Variants in MANBAL observed in about 807,000 individuals in gnomAD.
MANBAL encodes protein MANBAL.
Under a neutral mutation model 6.4 loss-of-function variants are expected in MANBAL, and 1 was observed. The observed-to-expected ratio is 0.16, with a 90% CI of 0.06 to 0.74. MANBAL has a LOEUF of 0.74. Among genes scored for constraint, MANBAL ranks in the 30% least tolerant of loss-of-function variants. The pLI is 0.78. For missense variants in MANBAL, 100 were observed against 107.8 expected, an observed-to-expected ratio of 0.93 and a Z score of 0.32; for synonymous variants, 47 against 45.8, an observed-to-expected ratio of 1.03 and a Z score of -0.10.
intron 2 of MANBAL, among the ~76,000 whole-genome samples, chr20:37,306,762 T>A (rs1488418766): frequency 6.6e-6 from 1 of 152,222 alleles, no homozygotes; most frequent in Non-Finnish European, 1.5e-5. Flanking sequence ...TGGGGGCTGC[T>A]GCTTTGCTCT....
chr20:37,315,337 G>T (rs2146837349), intron 2 of MANBAL, among the ~76,000 whole-genome samples: 1 of 152,334 alleles, frequency 6.6e-6, no homozygotes, highest in East Asian at 1.9e-4. Flanking sequence ...CGGCCTCTCT[G>T]ACGTCCGTCC....
chr20:37,313,938 T>C (rs1322078253), intron 2 of MANBAL, among the ~76,000 whole-genome samples: 2 of 152,242 alleles, frequency 1.3e-5, no homozygotes, highest in East Asian at 1.9e-4. Context: ...GTGTGAGGGA[T>C]GAAGAGGAGC....
intron 1 of MANBAL, among the ~76,000 whole-genome samples, chr20:37,293,994 C>T (rs1471109711): frequency 6.6e-6 from 1 of 152,170 alleles, no homozygotes; most frequent in East Asian, 1.9e-4. Context: ...ACTATGTTGC[C>T]CAAGCTGGTC....
rs557633638 is a variant in MANBAL at position 37,316,864 on chromosome 20, T to C, written c.*449T>C. The C allele has an allele frequency of 4.4e-5, 7 of 159,166 alleles. No individual in the cohort carries two copies. Among genetic ancestry groups the C allele is most frequent in the Non-Finnish European group, 9.6e-5 (7 of 73,012 alleles). 9.9% of individuals were successfully genotyped at this position (159,166 alleles called of 1,614,324 possible). On this transcript the variant is annotated 3_prime_UTR_variant, in exon 3 of 3. Transcript: ENST00000373606. ...ATCAGTCACCTTTGTTGCTGCTGTG[T>C]AGACAGAGCCAGGCCTCACCTGTTT...
chr20:37,308,244 A>T (rs2069302113), intron 2 of MANBAL, among the ~76,000 whole-genome samples: 1 of 152,072 alleles, frequency 6.6e-6, no homozygotes, highest in South Asian at 2.1e-4. Context: ...CTGAGTGAGG[A>T]TGGGAAGGTC....
rs564424872 is a variant in MANBAL at position 37,316,300 on chromosome 20, C to T, written c.151-8C>T. On this transcript the variant is annotated splice_polypyrimidine_tract_variant and splice_region_variant and intron_variant, in intron 2 of 2. Coordinates refer to ENST00000373606, the MANE Select transcript of MANBAL (RefSeq NM_001003897.2). The stretch of plus-strand genomic sequence containing the variant: ...CTAAGCAGGACTCTCCTTTTTATCA[C>T]CTCACAGGAGGCTGAACCGTCTGAG... 1.5e-4 allele frequency: 248 copies of T among 1,612,660 alleles called. No homozygotes were observed. The highest frequency in any genetic ancestry group is 1.9e-4 in the Non-Finnish European group (224 of 1,179,320).
intron 1 of MANBAL, among the ~76,000 whole-genome samples, chr20:37,290,749 A>G (rs2068848179): frequency 6.6e-6 from 1 of 152,040 alleles, no homozygotes; most frequent in Admixed American, 6.5e-5. Context: ...GGGAGCCACC[A>G]CACCCGGCTT....
chr20:37,290,023 C>G (rs920210960), intron 1 of MANBAL, among the ~76,000 whole-genome samples: 2 of 152,172 alleles, frequency 1.3e-5, no homozygotes, highest in Admixed American at 1.3e-4. Flanking sequence ...GTGAATCTGG[C>G]CAGGGTTCGA....
At chr20:37,315,419 T>C (rs1020511319) in intron 2 of MANBAL, among the ~76,000 whole-genome samples, 1 of 152,276 alleles carries the variant, frequency 6.6e-6, no homozygotes, top group Middle Eastern at 3.4e-3. Flanking sequence ...ACACTGAGCC[T>C]ATTCCAGATA....
chr20:37,300,931 TCAGGAGTTCAAGACCAGCGTGGC>T, intron 1 of MANBAL, among the ~76,000 whole-genome samples: 1 of 151,910 alleles, frequency 6.6e-6, no homozygotes, highest in Non-Finnish European at 1.5e-5. Flanking sequence ...TCACCTGAGG[TCAGGAGTTCAAGACCAGCGTGGC>T]CAACGTGGTG....
chr20:37,307,502 A>T (rs1477793298), intron 2 of MANBAL, among the ~76,000 whole-genome samples: 2 of 152,226 alleles, frequency 1.3e-5, no homozygotes, highest in Admixed American at 1.3e-4. Flanking sequence ...TGATGCCTGT[A>T]AACCCAGCAC....
chr20:37,296,593 C>T (rs1161601797), intron 1 of MANBAL, among the ~76,000 whole-genome samples: 4 of 152,166 alleles, frequency 2.6e-5, no homozygotes, highest in Admixed American at 2.0e-4. Flanking sequence ...GATTGTTGGA[C>T]GCCTGGGTTG....
intron 1 of MANBAL, among the ~76,000 whole-genome samples, chr20:37,290,286 G>T (rs1344867689): frequency 6.6e-6 from 1 of 152,180 alleles, no homozygotes; most frequent in Admixed American, 6.5e-5. Context: ...CTGCACACCA[G>T]TTTCAGCCCA....
At chr20:37,301,153 T>C in intron 1 of MANBAL, 55 bp from the exon 2 acceptor site, 1 of 1,017,330 alleles carries the variant, frequency 9.8e-7, no homozygotes, top group Admixed American at 3.7e-5. Context: ...AATAAATAAA[T>C]AAATAAATAA....
At position 37,289,666 on chromosome 20, in the gene MANBAL, AGCGGCGCG is replaced by A. The variant is rs1209848724; in HGVS notation, c.-67_-60del. On this transcript the variant is annotated 5_prime_UTR_variant, in exon 1 of 3. Coordinates refer to ENST00000373606, the MANE Select transcript of MANBAL (RefSeq NM_001003897.2). ...GGTCGCAGGGAACTACTTCCGGGGG[AGCGGCGCG>A]GCGGCGCGGGAGGTGAGTGCCGCAG... is the stretch of plus-strand genomic sequence containing the variant. The A allele has an allele frequency of 1.3e-5, 2 of 152,232 alleles. No homozygotes were observed. The highest frequency in any genetic ancestry group is 2.4e-5 in the African/African-American group (1 of 41,316). The allele number at this position is 152,232 out of a possible 1,614,324, so 9.4% of individuals were successfully genotyped here. A position where few individuals can be genotyped will look rare whatever the true frequency, so the allele number is the denominator to read the frequency against.
chr20:37,313,015 C>A (rs1293807618), intron 2 of MANBAL, among the ~76,000 whole-genome samples: 3 of 152,216 alleles, frequency 2.0e-5, no homozygotes, highest in African/African-American at 7.2e-5. Flanking sequence ...TTCATTCACT[C>A]ATTCATTGAT....
At chr20:37,298,617 A>G (rs527834219) in intron 1 of MANBAL, 89 of 152,176 alleles carry the variant, frequency 5.8e-4, no homozygotes, top group African/African-American at 2.1e-3. Context: ...ACTCCATTGT[A>G]TGTATATACT....
At chr20:37,291,020 C>G (rs1036546843) in intron 1 of MANBAL, among the ~76,000 whole-genome samples, 1 of 152,194 alleles carries the variant, frequency 6.6e-6, no homozygotes, top group Admixed American at 6.5e-5. Context: ...CCTACCAGCA[C>G]AGTACACAAC....
At chr20:37,306,153 G>A (rs1004150660) in intron 2 of MANBAL, among the ~76,000 whole-genome samples, 3 of 152,158 alleles carry the variant, frequency 2.0e-5, no homozygotes, top group Non-Finnish European at 4.4e-5. Flanking sequence ...AGGACCCAGA[G>A]AACAGTCTTG....
Sources: allele counts gnomAD v4.1 joint callset (sites outside exome capture counted in the v4.1 genomes callset), GRCh38; gene constraint gnomAD v4.1.1; transcripts MANE v1.5; gene names NCBI Gene and HGNC (gene_info 2026-07-23, HGNC 2026-07-21).